Variants in UIMC1 observed in about 807,000 individuals in gnomAD.
UIMC1 encodes the protein BRCA1-A complex subunit RAP80.
UIMC1 carries 42 observed loss-of-function variants against 84.9 expected under a neutral mutation model. The observed-to-expected ratio is 0.49, with a 90% confidence interval of 0.39 to 0.64. The LOEUF (loss-of-function observed/expected upper bound fraction) is 0.64, where lower values mean the gene tolerates loss of function less well. Among genes scored for constraint, UIMC1 ranks in the 30% least tolerant of loss-of-function variants. The pLI, the probability that UIMC1 is intolerant of heterozygous loss-of-function variation, is 0.00. For synonymous variants in UIMC1, 281 were observed against 293.0 expected (o/e 0.96, Z 0.42); for missense variants, 825 against 847.6 (o/e 0.97, Z 0.33).
intron 2 of UIMC1, among the ~76,000 whole-genome samples, 171 bp downstream of exon 2, chr5:176,982,298 T>C (rs1023809767): frequency 1.3e-5 from 2 of 152,234 alleles, no homozygotes; most frequent in African/African-American, 2.4e-5. Context: ...ACAGGATTAC[T>C]ACCTTAAGTA....
chr5:176,999,635 T>C (rs1221472993), intron 1 of UIMC1, among the ~76,000 whole-genome samples: 2 of 151,916 alleles, frequency 1.3e-5, no homozygotes, highest in Non-Finnish European at 2.9e-5. Flanking sequence ...ATCCCACAAA[T>C]AAGTGAGAAC....
At chr5:176,949,816 T>C (rs558108956) in intron 9 of UIMC1, among the ~76,000 whole-genome samples, 28 of 152,190 alleles carry the variant, frequency 1.8e-4, no homozygotes, top group South Asian at 1.0e-3. Flanking sequence ...TCCCAGCACT[T>C]TGGGAGGCCT....
In UIMC1 at chr5:176,968,897, T is replaced by TC; in HGVS notation, c.857dup (p.Val287SerfsTer4). On this transcript the variant is annotated frameshift_variant, in exon 6 of 15. Transcript: ENST00000511320. LOFTEE classifies it high-confidence loss of function. ...CCTTGGTATACTGGTTAGGGTCTAC[T>TC]CCATCAGGGCAGAATGGAATACCCC... 1 of 1,614,086 alleles carries TC rather than the reference T, an allele frequency of 6.2e-7. No homozygotes were observed. Among genetic ancestry groups the TC allele is most frequent in the South Asian group, 1.1e-5 (1 of 91,080 alleles).
chr5:176,911,157 AAAGAAAAGAAAAG>A lies in UIMC1; in HGVS notation c.1676+141_1676+153del, dbSNP rs1341538328. 4.1e-3 allele frequency among the ~76,000 whole-genome samples: 292 copies of A among 71,948 alleles called. 7 individuals are homozygous for A. The highest frequency in any genetic ancestry group is 0.015 in the African/African-American group (266 of 17,302). 47.2% of individuals were successfully genotyped at this position (71,948 alleles called of 152,430 possible). A position where few individuals can be genotyped will look rare whatever the true frequency, so the allele number is the denominator to read the frequency against. The stretch of plus-strand genomic sequence containing the variant: ...AAAGAAAAGAAAAGAAAAGAAAAGA[AAAGAAAAGAAAAG>A]AAAAGAAAATTCAGGCATCCAAGCA... On this transcript the variant is annotated intron_variant, in intron 11 of 14. Coordinates refer to ENST00000511320, the MANE Select transcript of UIMC1 (RefSeq NM_001199298.2).
intron 1 of UIMC1, among the ~76,000 whole-genome samples, chr5:176,993,220 C>T (rs1229501405): frequency 6.6e-6 from 1 of 151,736 alleles, no homozygotes; most frequent in Non-Finnish European, 1.5e-5. Context: ...TGCAGTGGCT[C>T]ATGCTGTAAT....
intron 10 of UIMC1, among the ~76,000 whole-genome samples, chr5:176,922,707 A>G (rs1320782177): frequency 2.0e-5 from 3 of 152,216 alleles, no homozygotes; most frequent in African/African-American, 4.8e-5. Context: ...ACGTTTTTAG[A>G]GTAGATTTTC....
At chr5:176,910,073 T>C (rs899996297) in intron 11 of UIMC1, among the ~76,000 whole-genome samples, 2 of 152,232 alleles carry the variant, frequency 1.3e-5, no homozygotes, top group African/African-American at 4.8e-5. Flanking sequence ...GATATAAACA[T>C]GAACTAAGGC....
chr5:177,005,691 GACT>G (rs1015616030), intron 1 of UIMC1, among the ~76,000 whole-genome samples: 1 of 151,790 alleles, frequency 6.6e-6, no homozygotes, highest in Non-Finnish European at 1.5e-5. Context: ...ACTTTCATTC[GACT>G]ACAAGGCACT....
rs1759189681 is a variant in UIMC1 at position 176,905,202 on chromosome 5, G to A, written c.*80C>T. The A allele has an allele frequency of 7.4e-6, 11 of 1,479,458 alleles. No individual in the cohort carries two copies. The Admixed American group carries it at 1.4e-4, about 19-fold the overall frequency. 91.6% of individuals were successfully genotyped at this position (1,479,458 alleles called of 1,614,324 possible). A position where few individuals can be genotyped will look rare whatever the true frequency, so the allele number is the denominator to read the frequency against. On this transcript the variant is annotated 3_prime_UTR_variant, in exon 15 of 15. Coordinates refer to ENST00000511320, the MANE Select transcript of UIMC1 (RefSeq NM_001199298.2). ...GCAGGGCTAAAACTTGCTCAACAATGAACTAGGGACCACTATGGCTTAATG... is the reference window on the plus strand; with the variant it reads ...GCAGGGCTAAAACTTGCTCAACAATAAACTAGGGACCACTATGGCTTAATG...
Position 176,940,198 on chromosome 5 carries a change from T to C in UIMC1, c.1597+3137A>G, listed in dbSNP as rs116397944. ...GATTTGGGGATGTGAGTTTGAGTTC[T>C]CTCACCACACTCCAGTAAGGAAGAC... is the stretch of plus-strand genomic sequence containing the variant. On this transcript the variant is annotated intron_variant, in intron 10 of 14. Coordinates refer to ENST00000511320, the MANE Select transcript of UIMC1 (RefSeq NM_001199298.2). Among the ~76,000 whole-genome samples the C allele has an allele frequency of 9.4e-3, 1,427 of 152,332 alleles. 27 individuals are homozygous for C. Among genetic ancestry groups the C allele is most frequent in the African/African-American group, 0.033 (1,365 of 41,562 alleles).
At chr5:176,927,912 T>C (rs1475209011) in intron 10 of UIMC1, among the ~76,000 whole-genome samples, 2 of 148,334 alleles carry the variant, frequency 1.3e-5, no homozygotes, top group Non-Finnish European at 3.0e-5. Flanking sequence ...AGTGAAATGG[T>C]GCAATCTCAG....
At chr5:177,022,578 C>A in exon 1 of UIMC1, 1 of 702,384 alleles carries the variant, frequency 1.4e-6, no homozygotes, top group Non-Finnish European at 2.2e-6. Context: ...CTCTGAGGTA[C>A]CAGAGGTAGC....
Position 176,953,572 on chromosome 5 carries a change from C to T in UIMC1, c.1340-1995G>A, listed in dbSNP as rs768976096. On this transcript the variant is annotated intron_variant, in intron 8 of 14. Coordinates refer to ENST00000511320, the MANE Select transcript of UIMC1 (RefSeq NM_001199298.2). ...CTTACAGGACATAAACTTCAAAATC[C>T]TGTCAACTTTCCCTAAAGGTATTTT... Among the ~76,000 whole-genome samples the T allele has an allele frequency of 6.7e-5, 10 of 149,046 alleles. No individual in the cohort carries two copies. In the South Asian group the frequency reaches 2.1e-3, roughly 32 times the overall value.
chr5:176,969,652 G>A lies in UIMC1; in HGVS notation c.412C>T (p.Pro138Ser). Reference sequence around the variant, plus strand: ...TTCTCTTGATGGGACTGGGAAGACGGTCCAGTGGCCAGAGGTCGAGATCTG... The same window carrying A: ...TTCTCTTGATGGGACTGGGAAGACGATCCAGTGGCCAGAGGTCGAGATCTG... The part of the protein sequence containing the change: ...ATRSRPLATG[P>S]SSQSHQEKTT... The change falls in exon 5 of 15, where the codon CCG becomes TCG. Residue 138 changes from proline (P) to serine (S), a missense_variant. Coordinates refer to ENST00000511320, the MANE Select transcript of UIMC1 (RefSeq NM_001199298.2). 1 of 1,614,098 alleles carries A rather than the reference G, an allele frequency of 6.2e-7. No individual in the cohort carries two copies. Among genetic ancestry groups the A allele is most frequent in the Non-Finnish European group, 8.5e-7 (1 of 1,180,020 alleles).
chr5:176,930,370 T>C (rs1206230450), intron 10 of UIMC1, among the ~76,000 whole-genome samples: 1 of 152,264 alleles, frequency 6.6e-6, no homozygotes, highest in Admixed American at 6.5e-5. Context: ...TGGAAGATTC[T>C]ATAGAGCACA....
At chr5:176,932,514 T>TAGAC (rs1358844235) in intron 10 of UIMC1, among the ~76,000 whole-genome samples, 1 of 150,208 alleles carries the variant, frequency 6.7e-6, no homozygotes, top group East Asian at 2.1e-4. Flanking sequence ...TATAGATAGA[T>TAGAC]AGACAGATAG....
intron 10 of UIMC1, among the ~76,000 whole-genome samples, chr5:176,932,717 T>C (rs1442330205): frequency 2.0e-5 from 3 of 152,216 alleles, no homozygotes; most frequent in African/African-American, 7.2e-5. Context: ...CCTTTTTAAA[T>C]TCCCAGTTGC....
At chr5:176,907,257 G>T in intron 12 of UIMC1, 80 bp from the exon 13 acceptor site, 1 of 1,340,864 alleles carries the variant, frequency 7.5e-7, no homozygotes, top group Non-Finnish European at 1.0e-6. Context: ...GATCACACGT[G>T]TTCATAGAAG....
intron 6 of UIMC1, among the ~76,000 whole-genome samples, chr5:176,967,695 G>C (rs186444093): frequency 9.9e-5 from 15 of 152,172 alleles, no homozygotes; most frequent in African/African-American, 3.6e-4. Context: ...TTGAGTACAG[G>C]AGTTCGAGAC....
Sources: gnomAD v4.1 joint callset for allele counts (sites outside exome capture counted in the v4.1 genomes callset) on GRCh38, gnomAD v4.1.1 for gene constraint, MANE v1.5 for transcripts, NCBI Gene and HGNC (gene_info 2026-07-23, HGNC 2026-07-21) for gene names.